MYO1B: variants seen among roughly 807,000 people sequenced by gnomAD.
MYO1B encodes unconventional myosin-Ib.
MYO1B carries 72 observed loss-of-function variants against 159.7 expected under a neutral mutation model. The observed-to-expected ratio is 0.45, with a 90% CI of 0.37 to 0.55. The LOEUF (loss-of-function observed/expected upper bound fraction) is 0.55. Ranked by LOEUF, MYO1B falls within the 20% of genes least tolerant of loss-of-function variation. MYO1B has a pLI of 0.00. For missense variants in MYO1B, 1,062 were observed against 1,364.8 expected, an observed-to-expected ratio of 0.78 and a Z score of 3.50; for synonymous variants, 468 against 473.8, an observed-to-expected ratio of 0.99 and a Z score of 0.16.
At chr2:191,381,357 G>A (rs774766776) in intron 13 of MYO1B, 105 bp from the exon 14 acceptor site, 16 of 844,914 alleles carry the variant, frequency 1.9e-5, no homozygotes, top group Middle Eastern at 2.2e-4. Flanking sequence ...TTAAATCTGA[G>A]AGATCATGTG....
At chr2:191,402,579 T>C (rs1696679237) in intron 23 of MYO1B, 53 bp from the exon 24 acceptor site, 9 of 1,473,310 alleles carry the variant, frequency 6.1e-6, no homozygotes, top group Non-Finnish European at 8.5e-6. Flanking sequence ...TTCTGGTCAT[T>C]TGTGCTGTCT....
At chr2:191,286,336 G>T (rs1688368637) in intron 2 of MYO1B, among the ~76,000 whole-genome samples, 1 of 148,488 alleles carries the variant, frequency 6.7e-6, no homozygotes, top group African/African-American at 2.5e-5. Context: ...ACCATACTGT[G>T]TCTTTAAAAA....
intron 11 of MYO1B, among the ~76,000 whole-genome samples, chr2:191,365,820 T>C (rs1055420403): frequency 6.6e-6 from 1 of 152,198 alleles, no homozygotes; most frequent in African/African-American, 2.4e-5. Context: ...TAGCTGTAGA[T>C]ATGTAAAGAG....
At chr2:191,400,704 T>C (rs1201323363) in intron 22 of MYO1B, 45 bp from the exon 23 acceptor site, 4 of 1,601,622 alleles carry the variant, frequency 2.5e-6, no homozygotes, top group Non-Finnish European at 3.4e-6. Flanking sequence ...CAGTAACCTT[T>C]CCTGCCTTAA....
At chr2:191,272,990 A>C (rs1287296927) in intron 1 of MYO1B, among the ~76,000 whole-genome samples, 1 of 152,258 alleles carries the variant, frequency 6.6e-6, no homozygotes, top group Non-Finnish European at 1.5e-5. Flanking sequence ...CAGCTTAGAC[A>C]ATAAAGAGAA....
chr2:191,332,513 CT>C lies in MYO1B; in HGVS notation c.346+2487del. 3.3e-5 allele frequency among the ~76,000 whole-genome samples: 5 copies of C among 152,272 alleles called. 1 individual carries two copies. Among genetic ancestry groups the C allele is most frequent in the Admixed American group, 3.3e-4 (5 of 15,300 alleles). On this transcript the variant is annotated intron_variant, in intron 4 of 30. Coordinates refer to ENST00000392318, the MANE Select transcript of MYO1B (RefSeq NM_001130158.3). ...CTTGAGAAGCTGACAAATCCTGATG[CT>C]TTCCCTTCCCTTAGGATTGCTGTCA...
At chr2:191,247,101 G>A (rs1339934535) in intron 1 of MYO1B, among the ~76,000 whole-genome samples, 1 of 152,172 alleles carries the variant, frequency 6.6e-6, no homozygotes, top group Non-Finnish European at 1.5e-5. Flanking sequence ...ACTGTTTTGG[G>A]AGGAGGCTGA....
intron 3 of MYO1B, among the ~76,000 whole-genome samples, chr2:191,303,149 G>A (rs989819635): frequency 2.0e-5 from 3 of 152,172 alleles, no homozygotes; most frequent in Non-Finnish European, 4.4e-5. Context: ...AGATTCCAGG[G>A]CAGAAGACTC....
intron 1 of MYO1B, among the ~76,000 whole-genome samples, chr2:191,247,220 G>T (rs1341890966): frequency 6.6e-6 from 1 of 152,168 alleles, no homozygotes; most frequent in East Asian, 1.9e-4. Flanking sequence ...ACATTCTGTT[G>T]TAGTAGTCTG....
rs748482756 is a variant in MYO1B at position 191,369,537 on chromosome 2, A to G, written c.1033-5A>G. On this transcript the variant is annotated splice_region_variant and splice_polypyrimidine_tract_variant and intron_variant, in intron 11 of 30. Transcript: ENST00000392318. ...GTTAAGTTTTGTTTGTTTGTTTTTT[A>G]ATAGGCTTATTATGCCCGTGATGCT... The G allele has an allele frequency of 1.9e-6, 3 of 1,609,946 alleles. No individual in the cohort carries two copies. Among genetic ancestry groups the G allele is most frequent in the South Asian group, 1.1e-5 (1 of 90,546 alleles).
intron 3 of MYO1B, among the ~76,000 whole-genome samples, chr2:191,305,254 C>T (rs1478037907): frequency 6.6e-6 from 1 of 152,126 alleles, no homozygotes; most frequent in Non-Finnish European, 1.5e-5. Context: ...GTAAGTAGGG[C>T]CAAAGGAGCC....
chr2:191,376,158 G>T (rs1196827573), intron 13 of MYO1B, among the ~76,000 whole-genome samples: 1 of 152,054 alleles, frequency 6.6e-6, no homozygotes, highest in African/African-American at 2.4e-5. Flanking sequence ...CTTAAAATTT[G>T]CTGTATTTTA....
In MYO1B at chr2:191,396,476, G is replaced by C; in HGVS notation, c.2274G>C (p.Gln758His). The change falls in exon 21 of 31, where the codon CAG (glutamine) becomes CAC (histidine). Residue 758 changes from glutamine to histidine, a missense_variant. Coordinates refer to ENST00000392318, the MANE Select transcript of MYO1B (RefSeq NM_001130158.3). The stretch of plus-strand genomic sequence containing the variant: ...CAAAGAGTTCCGCCTTAGTAATTCA[G>C]TCTTATATCCGGGGTTGGAAGGTGA... ...QQTKSSALVI[Q>H]SYIRGWKARK... The C allele has an allele frequency of 6.2e-7, 1 of 1,614,170 alleles. No individual in the cohort carries two copies.
At chr2:191,351,151 T>C (rs1245004341) in intron 7 of MYO1B, among the ~76,000 whole-genome samples, 1 of 151,208 alleles carries the variant, frequency 6.6e-6, no homozygotes, top group East Asian at 1.9e-4. Context: ...CATGGTGCTA[T>C]TGGGATTGTT....
Position 191,400,789 on chromosome 2 carries a change from A to T in MYO1B, c.2423A>T (p.Asn808Ile), listed in dbSNP as rs1696562955. 2.5e-6 allele frequency: 4 copies of T among 1,614,042 alleles called. No homozygotes were observed. The East Asian group carries it at 8.9e-5, about 36-fold the overall frequency. ...AGACGGCTGAAGGAGGAGGCTAGGAATAAACATGCTATTGCAGTTATTTGG... is the reference window on the plus strand; with the variant it reads ...AGACGGCTGAAGGAGGAGGCTAGGATTAAACATGCTATTGCAGTTATTTGG... ...ELRRLKEEAR[N>I]KHAIAVIWAY... The change falls in exon 23 of 31, where the codon AAT becomes ATT. Residue 808 changes from asparagine to isoleucine, a missense_variant. Coordinates refer to ENST00000392318, the MANE Select transcript of MYO1B (RefSeq NM_001130158.3).
intron 24 of MYO1B, 104 bp from the exon 25 acceptor site, chr2:191,408,011 T>C (rs185119456): frequency 4.5e-5 from 31 of 686,556 alleles, no homozygotes; most frequent in African/African-American, 1.1e-4. Flanking sequence ...AGGACACTTA[T>C]AAACTGACTT....
intron 2 of MYO1B, among the ~76,000 whole-genome samples, chr2:191,295,009 G>A (rs1011817472): frequency 1.3e-5 from 2 of 152,108 alleles, no homozygotes; most frequent in African/African-American, 4.8e-5. Context: ...TCTAAAAATG[G>A]TACCTTTTGT....
intron 8 of MYO1B, 109 bp from the exon 9 acceptor site, chr2:191,362,159 C>T (rs1222948400): frequency 2.7e-6 from 2 of 744,020 alleles, no homozygotes; most frequent in Non-Finnish European, 4.5e-6. Flanking sequence ...TGATTCAATA[C>T]TTAATATAAA....
At chr2:191,335,733 T>C (rs1000233860) in intron 4 of MYO1B, among the ~76,000 whole-genome samples, 6 of 152,210 alleles carry the variant, frequency 3.9e-5, no homozygotes, top group Non-Finnish European at 8.8e-5. Context: ...TAATAGTTTG[T>C]ATAGAACCAC....
Sources: gnomAD v4.1 joint callset for allele counts (sites outside exome capture counted in the v4.1 genomes callset) on GRCh38, gnomAD v4.1.1 for gene constraint, MANE v1.5 for transcripts, NCBI Gene and HGNC (gene_info 2026-07-23, HGNC 2026-07-21) for gene names.